The following ARHGAP39 variants were observed in gnomAD, a reference collection of about 807,000 sequenced individuals.
The protein encoded by ARHGAP39 is Rho GTPase activating protein 39, also known as rho GTPase-activating protein 39.
In ARHGAP39, 44 loss-of-function variants were observed where a neutral mutation model predicts 106.9. The ratio of observed to expected loss-of-function variants is 0.41; its 90% CI spans 0.32 to 0.53. The LOEUF is 0.53. Ranked by LOEUF, ARHGAP39 falls within the 20% of genes least tolerant of loss-of-function variation. The probability of loss-of-function intolerance (pLI) is 0.21; values close to 1 mark genes in which losing one functional copy is unlikely to be tolerated. For synonymous variants in ARHGAP39, 768 were observed against 693.2 expected (o/e 1.11, Z -1.69); for missense variants, 1,496 against 1,577.3 (o/e 0.95, Z 0.87).
chr8:144,635,643 G>A (rs1388166904), intron 1 of ARHGAP39, among the ~76,000 whole-genome samples: 3 of 152,228 alleles, frequency 2.0e-5, no homozygotes, highest in Admixed American at 1.3e-4. Context: ...ATGGGCACTG[G>A]AAGTGGGGGT....
At chr8:144,580,758 G>GGGGGGGGGGGGCCCCCCC in intron 3 of ARHGAP39, 88 bp downstream of exon 3, 1 of 185,576 alleles carries the variant, frequency 5.4e-6, no homozygotes, top group Non-Finnish European at 1.1e-5. Flanking sequence ...CTCTCACCTG[G>GGGGGGGGGGGGCCCCCCC]CCCCGCCCAC....
At chr8:144,556,954 A>G (rs79897266) in intron 3 of ARHGAP39, among the ~76,000 whole-genome samples, 2 of 143,628 alleles carry the variant, frequency 1.4e-5, no homozygotes, top group Admixed American at 6.7e-5. Flanking sequence ...CTGAACCTTC[A>G]TAGTATTCAG....
At chr8:144,582,275 C>T (rs911225543) in intron 2 of ARHGAP39, among the ~76,000 whole-genome samples, 7 of 152,168 alleles carry the variant, frequency 4.6e-5, no homozygotes, top group African/African-American at 1.7e-4. Flanking sequence ...GCTGCGGGGG[C>T]GACCTTCATC....
the ARHGAP39 span, chr8:144,699,225 G>A: frequency 1.3e-4 from 19 of 150,134 alleles, no homozygotes; most frequent in South Asian, 7.4e-4. Context: ...TGGAGGATGC[G>A]GGGTGGTGTG....
At chr8:144,681,312 A>T (rs1822411586) in intron 1 of ARHGAP39, among the ~76,000 whole-genome samples, 1 of 152,182 alleles carries the variant, frequency 6.6e-6, no homozygotes, top group African/African-American at 2.4e-5. Context: ...CAGGCAGGGT[A>T]GTCCAGCTCT....
rs1054867657 is a variant in ARHGAP39 at position 144,644,405 on chromosome 8, G to A, written c.-81-38710C>T. Among the ~76,000 whole-genome samples, 1 of 152,156 alleles carries A rather than the reference G, an allele frequency of 6.6e-6. No individual in the cohort carries two copies. The highest frequency in any genetic ancestry group is 2.4e-5 in the African/African-American group (1 of 41,432). Reference sequence around the variant, plus strand: ...GCAGAGATGGAGGCGGCTATGAGGCGGGGCTGGGCACAAAGCAGCAGCATC... The same window carrying A: ...GCAGAGATGGAGGCGGCTATGAGGCAGGGCTGGGCACAAAGCAGCAGCATC... On this transcript the variant is annotated intron_variant, in intron 1 of 11. Coordinates refer to ENST00000377307, the MANE Select transcript of ARHGAP39 (RefSeq NM_025251.3). This position sits in a 1 kb window ranked among gnomAD's most constrained non-coding sequence, Gnocchi z 4.8.
upstream of ARHGAP39, among the ~76,000 whole-genome samples, chr8:144,690,187 T>C (rs1822714172): frequency 6.6e-6 from 1 of 151,830 alleles, no homozygotes; most frequent in African/African-American, 2.4e-5. Context: ...CACTGCAGCC[T>C]CTGCCTCCCC....
rs553397458 is a variant in ARHGAP39, at chr8:144,562,713, A to C, written c.513-7070T>G. 5.1e-5 allele frequency among the ~76,000 whole-genome samples: 7 copies of C among 138,128 alleles called. No individual in the cohort carries two copies. The East Asian group carries it at 1.6e-3, about 31-fold the overall frequency. 90.6% of individuals were successfully genotyped at this position (138,128 alleles called of 152,430 possible). A position where few individuals can be genotyped will look rare whatever the true frequency, so the allele number is the denominator to read the frequency against. On this transcript the variant is annotated intron_variant, in intron 3 of 11. Transcript: ENST00000377307. The stretch of plus-strand genomic sequence containing the variant: ...TTTCCATCGGACTCCAGTGGTTTCC[A>C]TCGGACTCACTCCAGTGGTTTCCAT...
intron 1 of ARHGAP39, among the ~76,000 whole-genome samples, chr8:144,662,056 C>T (rs556279195): frequency 1.3e-5 from 2 of 150,686 alleles, no homozygotes; most frequent in East Asian, 4.0e-4. Context: ...CATTATCTGC[C>T]TTGGACCACT....
chr8:144,661,763 G>A (rs900546243), intron 1 of ARHGAP39, among the ~76,000 whole-genome samples: 4 of 151,934 alleles, frequency 2.6e-5, no homozygotes, highest in Non-Finnish European at 5.9e-5. Context: ...TGCAGCCTTG[G>A]GCCACTACCC....
intron 2 of ARHGAP39, among the ~76,000 whole-genome samples, chr8:144,582,897 T>C (rs1819046979): frequency 6.6e-6 from 1 of 152,222 alleles, no homozygotes; most frequent in Admixed American, 6.5e-5. Context: ...GTGGGGGTCC[T>C]GTTGTTTTGC....
chr8:144,590,570 C>A (rs1486026994), intron 2 of ARHGAP39, among the ~76,000 whole-genome samples: 2 of 152,154 alleles, frequency 1.3e-5, no homozygotes, highest in Non-Finnish European at 2.9e-5. Flanking sequence ...TGCAGAACCA[C>A]CAGCCAATTA....
At chr8:144,664,284 C>T (rs1821905815) in intron 1 of ARHGAP39, among the ~76,000 whole-genome samples, 1 of 152,252 alleles carries the variant, frequency 6.6e-6, no homozygotes, top group African/African-American at 2.4e-5. Context: ...CAGCTCCTAA[C>T]TGGTCTCCTC....
At chr8:144,560,532 T>A (rs1039919150) in intron 3 of ARHGAP39, among the ~76,000 whole-genome samples, 3 of 152,194 alleles carry the variant, frequency 2.0e-5, no homozygotes, top group Non-Finnish European at 4.4e-5. Flanking sequence ...AACAAAAAGC[T>A]AGAAATATGG....
chr8:144,536,342 G>C (rs1816952975), intron 7 of ARHGAP39, among the ~76,000 whole-genome samples: 2 of 152,076 alleles, frequency 1.3e-5, no homozygotes, highest in Admixed American at 1.3e-4. Context: ...CAGGCCACCA[G>C]GTGTGGCCAG....
At chr8:144,688,802 A>T (rs563971093), upstream of ARHGAP39, among the ~76,000 whole-genome samples, 39 of 152,352 alleles carry the variant, frequency 2.6e-4, no homozygotes, top group Admixed American at 9.1e-4. Flanking sequence ...AAAGATGTCG[A>T]GTCTTCCTAA....
intron 3 of ARHGAP39, among the ~76,000 whole-genome samples, chr8:144,579,147 A>G (rs974734786): frequency 7.0e-6 from 1 of 142,968 alleles, no homozygotes; most frequent in African/African-American, 2.6e-5. Context: ...ACTTGCAGTG[A>G]GCAGCAATCG....
At chr8:144,598,878 G>C (rs527272985) in intron 2 of ARHGAP39, among the ~76,000 whole-genome samples, 85 of 152,294 alleles carry the variant, frequency 5.6e-4, no homozygotes, top group African/African-American at 1.9e-3. Flanking sequence ...TTTACAATAA[G>C]AGCTCATGTC....
upstream of ARHGAP39, among the ~76,000 whole-genome samples, chr8:144,685,923 G>A (rs1362967927): frequency 1.3e-5 from 2 of 150,206 alleles, no homozygotes; most frequent in African/African-American, 4.9e-5. Context: ...ACTACCCGCC[G>A]CCAGGGGGCA....
Sources: gnomAD v4.1 joint callset for allele counts (sites outside exome capture counted in the v4.1 genomes callset) on GRCh38, gnomAD v4.1.1 for gene constraint, Gnocchi (gnomAD v3.1) non-coding constraint, MANE v1.5 for transcripts, NCBI Gene and HGNC (gene_info 2026-07-23, HGNC 2026-07-21) for gene names.